The following NFKB1 variants were observed in gnomAD, a reference collection of about 807,000 sequenced individuals.
NFKB1 encodes the protein nuclear factor kappa B subunit 1, also known as nuclear factor NF-kappa-B p105 subunit.
Under a neutral mutation model 105.1 loss-of-function variants are expected in NFKB1, and 9 were observed. The ratio of observed to expected loss-of-function variants is 0.09; its 90% CI spans 0.05 to 0.15. The LOEUF is 0.15. Among genes scored for constraint, NFKB1 ranks in the 10% least tolerant of loss-of-function variants. The pLI is 1.00. For missense variants in NFKB1, 830 were observed against 1,203.7 expected, an observed-to-expected ratio of 0.69 and a Z score of 4.59; for synonymous variants, 440 against 442.2, an observed-to-expected ratio of 1.00 and a Z score of 0.06.
At chr4:102,564,967 T>A (rs182259541) in intron 5 of NFKB1, among the ~76,000 whole-genome samples, 1 of 152,336 alleles carries the variant, frequency 6.6e-6, no homozygotes, top group East Asian at 1.9e-4. Flanking sequence ...TGATTTCAGA[T>A]GTCAACACCA....
At chr4:102,613,907 CCTT>C (rs957361002) in intron 23 of NFKB1, among the ~76,000 whole-genome samples, 1 of 152,192 alleles carries the variant, frequency 6.6e-6, no homozygotes, top group African/African-American at 2.4e-5. Flanking sequence ...AGAACCATCT[CCTT>C]CTTCCTTTGC....
intron 15 of NFKB1, among the ~76,000 whole-genome samples, chr4:102,600,240 AG>A (rs1433969364): frequency 6.6e-6 from 1 of 152,228 alleles, no homozygotes; most frequent in Non-Finnish European, 1.5e-5. Flanking sequence ...AGAAGAAAGG[AG>A]CAAAAACATT....
In NFKB1 at chr4:102,563,819, C is replaced by CTTT. The variant is rs34134600; in HGVS notation, c.259-3150_259-3148dup. Among the ~76,000 whole-genome samples the CTTT allele has an allele frequency of 4.0e-3, 499 of 124,580 alleles. 8 individuals carry two copies. The highest frequency in any genetic ancestry group is 0.015 in the African/African-American group (467 of 32,080). 81.7% of individuals were successfully genotyped at this position (124,580 alleles called of 152,430 possible). On this transcript the variant is annotated intron_variant, in intron 5 of 23. Transcript: ENST00000226574. ...CTTGACTTTAACTGAAAGCTTAACT[C>CTTT]TTTTTTTTTTTTTTTTTTTTAAACG...
chr4:102,514,378 T>C (rs1375569409), intron 1 of NFKB1, among the ~76,000 whole-genome samples: 1 of 152,072 alleles, frequency 6.6e-6, no homozygotes, highest in Non-Finnish European at 1.5e-5. Context: ...GTAGAGCCTG[T>C]AAGAAGTGAT....
chr4:102,506,687 G>T (rs1332465633), intron 1 of NFKB1, among the ~76,000 whole-genome samples: 1 of 152,110 alleles, frequency 6.6e-6, no homozygotes, highest in East Asian at 1.9e-4. Flanking sequence ...AATACTCCCT[G>T]TCCTAGTGTC....
chr4:102,526,239 G>T (rs559719700), intron 2 of NFKB1, among the ~76,000 whole-genome samples: 3 of 152,138 alleles, frequency 2.0e-5, no homozygotes, highest in Admixed American at 6.5e-5. Flanking sequence ...TGTCTTTTTG[G>T]GAGGGAACAC....
chr4:102,562,775 C>T (rs889714789), intron 5 of NFKB1, among the ~76,000 whole-genome samples: 1 of 152,168 alleles, frequency 6.6e-6, no homozygotes, highest in African/African-American at 2.4e-5. Flanking sequence ...GACTTTACCA[C>T]ATTGTTCTGC....
Position 102,606,482 on chromosome 4 carries a change from C to T in NFKB1, c.1753-14C>T, listed in dbSNP as rs764187363. The T allele has an allele frequency of 2.5e-6, 4 of 1,613,088 alleles. No individual in the cohort carries two copies. In the African/African-American group the frequency reaches 4.0e-5, roughly 16 times the overall value. On this transcript the variant is annotated splice_polypyrimidine_tract_variant and intron_variant, in intron 16 of 23. Transcript: ENST00000226574. ...ACTGCTGACCAGTGAATCTCCTGCC[C>T]TTTCACTTTCCAGACGCCCTTGCAC...
chr4:102,563,844 G>T (rs551526608), intron 5 of NFKB1, among the ~76,000 whole-genome samples: 6 of 126,616 alleles, frequency 4.7e-5, no homozygotes, highest in Non-Finnish European at 9.7e-5. Context: ...TTTTTTAAAC[G>T]GAGTCTTGCT....
rs2149206395 is a variant in NFKB1 at position 102,596,138 on chromosome 4, G to A, written c.1301G>A (p.Gly434Glu). 1.3e-6 allele frequency: 2 copies of A among 1,547,378 alleles called. No homozygotes were observed. Among genetic ancestry groups the A allele is most frequent in the South Asian group, 2.5e-5 (2 of 80,734 alleles). Residue 434 changes from glycine to glutamate, a missense_variant and splice_region_variant, in exon 14 of 24, where the codon GGA (glycine) becomes GAA (glutamate). By Grantham distance (98) the Gly-to-Glu change is moderately conservative (BLOSUM62 -2). Transcript: ENST00000226574. ...TTKSNAGMKH[G>E]TMDTESKKDP... ...TCTGATGTTTTTGCATTTATCTTAG[G>A]AACCATGGACACTGAATCTAAAAAG...
At chr4:102,553,605 A>G (rs193135304) in intron 5 of NFKB1, among the ~76,000 whole-genome samples, 2 of 152,286 alleles carry the variant, frequency 1.3e-5, no homozygotes, top group African/African-American at 4.8e-5. Context: ...TAGGATTTTT[A>G]AAAAATCTCT....
Position 102,594,914 on chromosome 4 carries a change from A to G in NFKB1, c.1233A>G (p.Gly411=). ...CAGGGTATAGCTTCCCACACTATGG[A>G]TTTCCTACTTATGGTGGGATTACTT... is the stretch of plus-strand genomic sequence containing the variant. ...TGPGYSFPHY[G]FPTYGGITFH... The change falls in exon 13 of 24, where the codon GGA becomes GGG. Residue 411 remains glycine (G), a synonymous_variant. Transcript: ENST00000226574. The G allele has an allele frequency of 6.2e-7, 1 of 1,611,408 alleles. No homozygotes were observed. The highest frequency in any genetic ancestry group is 8.5e-7 in the Non-Finnish European group (1 of 1,178,150).
intron 1 of NFKB1, among the ~76,000 whole-genome samples, chr4:102,521,228 GA>G (rs1740553560): frequency 6.6e-6 from 1 of 152,150 alleles, no homozygotes; most frequent in African/African-American, 2.4e-5. Context: ...AGAATCAAAA[GA>G]TACTCTCATT....
Position 102,557,718 on chromosome 4 carries a change from T to C in NFKB1, c.259-9269T>C, listed in dbSNP as rs1048990119. On this transcript the variant is annotated intron_variant, in intron 5 of 23. Transcript: ENST00000226574. Reference sequence around the variant, plus strand: ...ACTCATCAGTACAAGAGAGAATGCCTAATGGGCAATAGCAGTTAGGGTGGG... The same window carrying C: ...ACTCATCAGTACAAGAGAGAATGCCCAATGGGCAATAGCAGTTAGGGTGGG... Among the ~76,000 whole-genome samples the C allele has an allele frequency of 4.5e-4, 68 of 152,178 alleles. 1 individual carries two copies. The highest frequency in any genetic ancestry group is 1.9e-4 in the Non-Finnish European group (13 of 68,036).
chr4:102,600,828 C>G lies in NFKB1; in HGVS notation c.1638-67C>G, dbSNP rs193210348. 355 of 952,086 alleles carry G rather than the reference C, an allele frequency of 3.7e-4. No individual in the cohort carries two copies. The African/African-American group carries it at 4.9e-3, about 13-fold the overall frequency. 59.0% of individuals were successfully genotyped at this position (952,086 alleles called of 1,614,324 possible). A position where few individuals can be genotyped will look rare whatever the true frequency, so the allele number is the denominator to read the frequency against. ...CAGATTCCATTCTTGAGTCTAATCA[C>G]ATCTTGGGAATCTTTTCTTTTTCAT... On this transcript the variant is annotated intron_variant, in intron 15 of 23. Coordinates refer to ENST00000226574, the MANE Select transcript of NFKB1 (RefSeq NM_003998.4).
At chr4:102,511,519 T>C (rs1271123348) in intron 1 of NFKB1, among the ~76,000 whole-genome samples, 2 of 151,944 alleles carry the variant, frequency 1.3e-5, no homozygotes, top group African/African-American at 4.8e-5. Context: ...CTACAAAAAA[T>C]TTAAAAATTA....
At chr4:102,579,065 G>T (rs765810004) in intron 8 of NFKB1, 26 bp downstream of exon 8, 1 of 1,603,254 alleles carries the variant, frequency 6.2e-7, no homozygotes. Context: ...CCAACAGGGG[G>T]CACACCAAGA....
At chr4:102,554,935 C>T (rs1722874234) in intron 5 of NFKB1, among the ~76,000 whole-genome samples, 1 of 152,184 alleles carries the variant, frequency 6.6e-6, no homozygotes, top group Non-Finnish European at 1.5e-5. Flanking sequence ...AGCATCTCTG[C>T]AGCCAGTGTC....
Position 102,578,954 on chromosome 4 carries a change from C to T in NFKB1, c.645C>T (p.Leu215=), listed in dbSNP as rs755557788. The change falls in exon 8 of 24, where the codon CTC becomes CTT. Residue 215 remains leucine (L), a synonymous_variant. Coordinates refer to ENST00000226574, the MANE Select transcript of NFKB1 (RefSeq NM_003998.4). The part of the protein sequence containing the change: ...TKEMDLSVVR[L]MFTAFLPDST... ...AGATGGACCTCAGCGTGGTGCGGCT[C>T]ATGTTTACAGCTTTTCTTCCGGATA... 3.1e-6 allele frequency: 5 copies of T among 1,614,108 alleles called. No individual in the cohort carries two copies. Among genetic ancestry groups the T allele is most frequent in the Non-Finnish European group, 2.5e-6 (3 of 1,179,994 alleles).
Sources: gnomAD v4.1 joint callset for allele counts (sites outside exome capture counted in the v4.1 genomes callset) on GRCh38, gnomAD v4.1.1 for gene constraint, MANE v1.5 for transcripts, NCBI Gene and HGNC (gene_info 2026-07-23, HGNC 2026-07-21) for gene names.